Variants in RIMOC1 observed in about 807,000 individuals in gnomAD.
RIMOC1 encodes RAB7A interacting MON1-CCZ1 complex subunit 1, also known as RAB7A-interacting MON1-CCZ1 complex subunit 1.
At chr5:41,918,002 G>C in the RIMOC1 span, 1 of 985,146 alleles carries the variant, frequency 1.0e-6, no homozygotes, top group African/African-American at 1.7e-5. Context: ...TCTACCATTA[G>C]TTCATATGTT....
At chr5:41,909,570 A>G in the RIMOC1 span, among the ~76,000 whole-genome samples, 2 of 152,152 alleles carry the variant, frequency 1.3e-5, no homozygotes, top group Admixed American at 6.5e-5. Context: ...TTTCTTTAAA[A>G]TCTTTCTCAA....
chr5:41,916,230 T>G, the RIMOC1 span: 1 of 189,002 alleles, frequency 5.3e-6, no homozygotes, highest in Non-Finnish European at 9.8e-6. Context: ...ATTTAAAACC[T>G]GAGATTCAAA....
At chr5:41,904,425 C>G in the RIMOC1 span, 1 of 1,614,124 alleles carries the variant, frequency 6.2e-7, no homozygotes, top group African/African-American at 1.3e-5. Flanking sequence ...GGATCTGGCT[C>G]AGGCCCACAT....
chr5:41,918,602 G>A, the RIMOC1 span: 5 of 985,154 alleles, frequency 5.1e-6, no homozygotes, highest in Non-Finnish European at 6.0e-6. Flanking sequence ...TTTGTGATGG[G>A]TAGTCCTTCA....
At chr5:41,912,183 G>A in the RIMOC1 span, 1 of 1,530,344 alleles carries the variant, frequency 6.5e-7, no homozygotes, top group Non-Finnish European at 9.0e-7. Context: ...ACTGAGTGCA[G>A]GTAATGTGAT....
chr5:41,917,007 C>T, the RIMOC1 span: 1 of 1,575,430 alleles, frequency 6.3e-7, no homozygotes, highest in Non-Finnish European at 8.7e-7. Context: ...ACCTAAATGA[C>T]TTTCCCAGGA....
the RIMOC1 span, chr5:41,907,924 G>T: frequency 1.2e-6 from 1 of 809,496 alleles, no homozygotes; most frequent in African/African-American, 1.8e-5. Flanking sequence ...TAGGTAAAAT[G>T]AAATCAGTTT....
the RIMOC1 span, chr5:41,917,102 C>G: frequency 6.2e-7 from 1 of 1,613,700 alleles, no homozygotes; most frequent in Non-Finnish European, 8.5e-7. Context: ...TGATCAGCAA[C>G]CAGAAAATCA....
chr5:41,921,056 G>C, the RIMOC1 span: 1 of 152,578 alleles, frequency 6.6e-6, no homozygotes, highest in South Asian at 2.1e-4. Flanking sequence ...TGCATTTATA[G>C]GGTTTTGGGC....
At chr5:41,904,399 G>C in the RIMOC1 span, 7 of 1,613,960 alleles carry the variant, frequency 4.3e-6, no homozygotes, top group Non-Finnish European at 5.9e-6. Flanking sequence ...GTGGTGAGAC[G>C]AGTGGAAGAG....
At chr5:41,916,265 C>G in the RIMOC1 span, 1 of 351,640 alleles carries the variant, frequency 2.8e-6, no homozygotes, top group South Asian at 1.2e-4. Context: ...TGCCCAAAGA[C>G]ACAAAGCCAG....
the RIMOC1 span, chr5:41,921,421 C>T: frequency 1.3e-5 from 2 of 151,402 alleles, no homozygotes; most frequent in Non-Finnish European, 2.9e-5. Flanking sequence ...TTTAGTTTCA[C>T]TTCCCTATGT....
the RIMOC1 span, chr5:41,907,642 A>G: frequency 3.3e-4 from 224 of 686,984 alleles, 2 homozygotes; most frequent in African/African-American, 1.8e-3. Context: ...ATATTATTTC[A>G]TCTTGTCATT....
the RIMOC1 span, chr5:41,917,670 T>A: frequency 1.1e-3 from 1,075 of 971,792 alleles, 1 homozygote; most frequent in South Asian, 1.9e-3. Flanking sequence ...TTTTTAAATC[T>A]CACTACCTTG....
the RIMOC1 span, among the ~76,000 whole-genome samples, chr5:41,909,521 TATC>T: frequency 6.6e-6 from 1 of 152,092 alleles, no homozygotes; most frequent in Non-Finnish European, 1.5e-5. Context: ...AAAGAAAGAT[TATC>T]ATTAATTCAG....
At chr5:41,917,479 C>T in the RIMOC1 span, 1 of 1,296,640 alleles carries the variant, frequency 7.7e-7, no homozygotes, top group Non-Finnish European at 9.8e-7. Flanking sequence ...ATTAGTAAAC[C>T]TATGAAGGGA....
the RIMOC1 span, among the ~76,000 whole-genome samples, chr5:41,908,620 A>C: frequency 1.3e-5 from 2 of 152,162 alleles, no homozygotes; most frequent in Non-Finnish European, 2.9e-5. Context: ...AGTAAGCCTA[A>C]CAGCTACTCA....
At chr5:41,920,906 C>T in the RIMOC1 span, 1 of 152,200 alleles carries the variant, frequency 6.6e-6, no homozygotes, top group Non-Finnish European at 1.5e-5. Context: ...GGTTTCTCTT[C>T]GGTTTGAATT....
chr5:41,910,928 A>C, the RIMOC1 span: 1 of 1,150,926 alleles, frequency 8.7e-7, no homozygotes, highest in South Asian at 1.5e-5. Flanking sequence ...AAGCAGCTAA[A>C]CAAAGGGAAC....
Sources: allele counts gnomAD v4.1 joint callset (sites outside exome capture counted in the v4.1 genomes callset), GRCh38; gene constraint gnomAD v4.1.1; transcripts MANE v1.5; gene names NCBI Gene and HGNC (gene_info 2026-07-23, HGNC 2026-07-21).